The following YAP1 variants were observed in gnomAD, a reference collection of about 807,000 sequenced individuals.
YAP1 encodes Yes1 associated transcriptional regulator, also known as transcriptional coactivator YAP1.
YAP1 carries 5 observed loss-of-function variants against 56.9 expected under a neutral mutation model. The ratio of observed to expected loss-of-function variants is 0.09; its 90% CI spans 0.05 to 0.18. YAP1 has a LOEUF of 0.18. Among genes scored for constraint, YAP1 ranks in the 10% least tolerant of loss-of-function variants. YAP1 has a pLI of 1.00. For synonymous variants in YAP1, 265 were observed against 248.1 expected (o/e 1.07, Z -0.64); for missense variants, 539 against 651.8 (o/e 0.83, Z 1.88).
chr11:102,185,889 C>A, intron 3 of YAP1, 129 bp from the exon 4 acceptor site: 1 of 928,306 alleles, frequency 1.1e-6, no homozygotes, highest in Non-Finnish European at 1.6e-6. Flanking sequence ...CTGAACACAG[C>A]CTTAAATATG....
At chr11:102,139,792 G>T (rs1944899379) in intron 2 of YAP1, among the ~76,000 whole-genome samples, 1 of 152,122 alleles carries the variant, frequency 6.6e-6, no homozygotes, top group African/African-American at 2.4e-5. Context: ...TGTGTTTGAG[G>T]GGAATTTGAT....
intron 2 of YAP1, among the ~76,000 whole-genome samples, chr11:102,128,298 G>A (rs554291718): frequency 3.3e-5 from 5 of 152,110 alleles, no homozygotes; most frequent in Non-Finnish European, 7.3e-5. Context: ...ACTCGGCGGG[G>A]GGTAATTGAA....
intron 3 of YAP1, among the ~76,000 whole-genome samples, chr11:102,166,803 A>G (rs1283445336): frequency 6.6e-6 from 1 of 152,148 alleles, no homozygotes; most frequent in Non-Finnish European, 1.5e-5. Context: ...AAGAATTCCC[A>G]TCATTCATAA....
chr11:102,137,475 T>A (rs1016254100), intron 2 of YAP1, among the ~76,000 whole-genome samples: 10 of 152,204 alleles, frequency 6.6e-5, no homozygotes, highest in African/African-American at 1.9e-4. Flanking sequence ...ATGGGTAGAA[T>A]TTAGGTGATG....
chr11:102,164,713 T>C (rs1445195054), intron 3 of YAP1, among the ~76,000 whole-genome samples: 1 of 151,464 alleles, frequency 6.6e-6, no homozygotes, highest in East Asian at 1.9e-4. Flanking sequence ...AACTTGGTTT[T>C]AGTGGGTTTT....
chr11:102,166,411 C>T (rs1029785534), intron 3 of YAP1, among the ~76,000 whole-genome samples: 1 of 152,130 alleles, frequency 6.6e-6, no homozygotes, highest in Non-Finnish European at 1.5e-5. Flanking sequence ...ATAAAATAGC[C>T]GTAACGTCAT....
At chr11:102,226,497 A>G (rs931323558) in intron 7 of YAP1, among the ~76,000 whole-genome samples, 3 of 152,240 alleles carry the variant, frequency 2.0e-5, no homozygotes, top group African/African-American at 7.2e-5. Flanking sequence ...GTTGAAGTTC[A>G]CACTCACACA....
At chr11:102,187,298 G>T (rs1270982478) in intron 4 of YAP1, among the ~76,000 whole-genome samples, 1 of 152,198 alleles carries the variant, frequency 6.6e-6, no homozygotes, top group East Asian at 1.9e-4. Flanking sequence ...TCAGGGCAGT[G>T]ATGTCATTTT....
At position 102,189,303 on chromosome 11, in the gene YAP1, C is replaced by G. The variant is rs182167555; in HGVS notation, c.802+3172C>G. On this transcript the variant is annotated intron_variant, in intron 4 of 8. Coordinates refer to ENST00000282441, the MANE Select transcript of YAP1 (RefSeq NM_001130145.3). Reference sequence around the variant, plus strand: ...TCATGGACATTTTCCAGTAAAAGGCCTAATGAAAACACAATGAAATTATAA... The same window carrying G: ...TCATGGACATTTTCCAGTAAAAGGCGTAATGAAAACACAATGAAATTATAA... 5.3e-3 allele frequency among the ~76,000 whole-genome samples: 811 copies of G among 151,644 alleles called. 6 individuals are homozygous for G. Among genetic ancestry groups the G allele is most frequent in the Non-Finnish European group, 9.1e-3 (617 of 67,892 alleles).
At chr11:102,142,127 G>C (rs1945059574) in intron 2 of YAP1, among the ~76,000 whole-genome samples, 1 of 152,146 alleles carries the variant, frequency 6.6e-6, no homozygotes, top group South Asian at 2.1e-4. Flanking sequence ...GGCAATAGGA[G>C]GAGTATTTTC....
chr11:102,200,435 A>G (rs1392675033), intron 4 of YAP1, among the ~76,000 whole-genome samples: 4 of 150,558 alleles, frequency 2.7e-5, no homozygotes, highest in African/African-American at 1.0e-4. Flanking sequence ...AATTTGAGTA[A>G]AGAATAAGCT....
At chr11:102,187,796 T>TA (rs561571792) in intron 4 of YAP1, among the ~76,000 whole-genome samples, 16 of 152,256 alleles carry the variant, frequency 1.1e-4, no homozygotes, top group South Asian at 8.3e-4. Flanking sequence ...GGAGGTACTT[T>TA]AAAAAAACAC....
At chr11:102,198,476 A>C (rs76001245) in intron 4 of YAP1, among the ~76,000 whole-genome samples, 3,587 of 152,336 alleles carry the variant, frequency 0.024, 95 homozygotes, top group African/African-American at 0.061. Context: ...ATGAAAATAT[A>C]ATGGGGAAAG....
At chr11:102,224,421 T>G (rs1803657963) in intron 7 of YAP1, among the ~76,000 whole-genome samples, 1 of 152,196 alleles carries the variant, frequency 6.6e-6, no homozygotes, top group South Asian at 2.1e-4. Flanking sequence ...AGATTAAGAT[T>G]TAACTAAAAT....
At chr11:102,195,632 G>A (rs930698911) in intron 4 of YAP1, among the ~76,000 whole-genome samples, 3 of 152,042 alleles carry the variant, frequency 2.0e-5, no homozygotes, top group Non-Finnish European at 4.4e-5. Context: ...GTTTTATAAG[G>A]GGCTTCCCCC....
chr11:102,161,538 A>G (rs1363384322), intron 2 of YAP1, among the ~76,000 whole-genome samples: 1 of 152,154 alleles, frequency 6.6e-6, no homozygotes, highest in Non-Finnish European at 1.5e-5. Context: ...CCAATTCCCT[A>G]TCATTAAATG....
At chr11:102,221,708 G>C (rs1217880254) in intron 6 of YAP1, among the ~76,000 whole-genome samples, 1 of 151,464 alleles carries the variant, frequency 6.6e-6, no homozygotes, top group Non-Finnish European at 1.5e-5. Context: ...GGGTGACAGA[G>C]TGAGACCCTG....
intron 2 of YAP1, among the ~76,000 whole-genome samples, chr11:102,115,847 A>T (rs1290713882): frequency 6.6e-6 from 1 of 152,250 alleles, no homozygotes; most frequent in Non-Finnish European, 1.5e-5. Flanking sequence ...GAAGAAAAAG[A>T]AAGGCTGCAC....
chr11:102,167,342 A>G (rs1946667468), intron 3 of YAP1, among the ~76,000 whole-genome samples: 2 of 152,240 alleles, frequency 1.3e-5, no homozygotes, highest in South Asian at 4.1e-4. Context: ...GTATTAAGAT[A>G]ATGGTTGTAC....
Sources: allele counts gnomAD v4.1 joint callset (sites outside exome capture counted in the v4.1 genomes callset), GRCh38; gene constraint gnomAD v4.1.1; transcripts MANE v1.5; gene names NCBI Gene and HGNC (gene_info 2026-07-23, HGNC 2026-07-21).